Variants in FBXO28 observed in about 807,000 individuals in gnomAD.
FBXO28 encodes F-box protein 28.
FBXO28 carries 8 observed loss-of-function variants against 38.1 expected under a neutral mutation model. That is an observed-to-expected ratio of 0.21 (90% CI 0.12 to 0.38). The LOEUF is 0.38. Ranked by LOEUF, FBXO28 falls within the 10% of genes least tolerant of loss-of-function variation. FBXO28 has a pLI of 1.00. For synonymous variants in FBXO28, 168 were observed against 173.8 expected (o/e 0.97, Z 0.26); for missense variants, 345 against 460.6 (o/e 0.75, Z 2.30).
In FBXO28 at chr1:224,158,295, GA is replaced by G; in HGVS notation, c.*551del. Reference sequence around the variant, plus strand: ...ATGGACTTCCATAGTATTGACTGTAGAAGGAGCCTCTACAATATTGACTATA... The same window carrying G: ...ATGGACTTCCATAGTATTGACTGTAGAGGAGCCTCTACAATATTGACTATA... On this transcript the variant is annotated 3_prime_UTR_variant, in exon 5 of 5. Coordinates refer to ENST00000366862, the MANE Select transcript of FBXO28 (RefSeq NM_015176.4). 4 of 844,184 alleles carry G rather than the reference GA, an allele frequency of 4.7e-6. No individual in the cohort carries two copies. Among genetic ancestry groups the G allele is most frequent in the Non-Finnish European group, 5.7e-6 (4 of 701,140 alleles). 52.3% of individuals were successfully genotyped at this position (844,184 alleles called of 1,614,324 possible).
intron 3 of FBXO28, among the ~76,000 whole-genome samples, chr1:224,151,304 C>T (rs533329438): frequency 1.3e-5 from 2 of 152,230 alleles, no homozygotes; most frequent in Non-Finnish European, 2.9e-5. Flanking sequence ...CTACGTACAC[C>T]ACCTCAGCCC....
chr1:224,114,542 T>G, intron 1 of FBXO28, 146 bp downstream of exon 1: 1 of 636,080 alleles, frequency 1.6e-6, no homozygotes, highest in Non-Finnish European at 2.6e-6. Context: ...TCCCGAACTC[T>G]CCCTTGGCGT....
chr1:224,152,780 T>G (rs920162209), intron 3 of FBXO28, among the ~76,000 whole-genome samples: 2 of 151,850 alleles, frequency 1.3e-5, no homozygotes, highest in African/African-American at 4.8e-5. Flanking sequence ...ATACAAAAAA[T>G]TAGCCACGCG....
intron 3 of FBXO28, among the ~76,000 whole-genome samples, chr1:224,149,627 A>G (rs1382805164): frequency 5.1e-5 from 1 of 19,742 alleles, no homozygotes; most frequent in Non-Finnish European, 2.7e-3. Flanking sequence ...GCCATGTGCC[A>G]GATGCTGCTA....
chr1:224,114,593 T>C (rs1166060914), intron 1 of FBXO28, among the ~76,000 whole-genome samples, 197 bp downstream of exon 1: 3 of 152,270 alleles, frequency 2.0e-5, no homozygotes, highest in Admixed American at 6.5e-5. Context: ...GCGTCCTAGC[T>C]GCGGAGCTGG....
chr1:224,158,307 A>ACAGT lies in FBXO28; in HGVS notation c.*563_*564insGTCA. On this transcript the variant is annotated 3_prime_UTR_variant, in exon 5 of 5. Transcript: ENST00000366862. ...AGTATTGACTGTAGAAGGAGCCTCT[A>ACAGT]CAATATTGACTATATATTTTTATAA... 1.3e-6 allele frequency: 1 copy of ACAGT among 744,620 alleles called. No individual in the cohort carries two copies. The highest frequency in any genetic ancestry group is 1.6e-6 in the Non-Finnish European group (1 of 610,048). The allele number at this position is 744,620 out of a possible 1,614,324, so 46.1% of individuals were successfully genotyped here.
In FBXO28 at chr1:224,157,851, C is replaced by T. The variant is rs1204760912; in HGVS notation, c.*105C>T. On this transcript the variant is annotated 3_prime_UTR_variant, in exon 5 of 5. Coordinates refer to ENST00000366862, the MANE Select transcript of FBXO28 (RefSeq NM_015176.4). ...ACATGGTGTCCCTTAAGCTTCTAGG[C>T]TTTCAGAACACAACTTAAACTTGAA... is the stretch of plus-strand genomic sequence containing the variant. 1 of 1,459,518 alleles carries T rather than the reference C, an allele frequency of 6.9e-7. No individual in the cohort carries two copies. Among genetic ancestry groups the T allele is most frequent in the East Asian group, 2.4e-5 (1 of 41,202 alleles). 90.4% of individuals were successfully genotyped at this position (1,459,518 alleles called of 1,614,324 possible). A position where few individuals can be genotyped will look rare whatever the true frequency, so the allele number is the denominator to read the frequency against.
Position 224,114,327 on chromosome 1 carries a change from G to T in FBXO28, c.198G>T (p.Ala66=). The change falls in exon 1 of 5, where the codon GCG becomes GCT. Residue 66 remains alanine (A), a synonymous_variant. Coordinates refer to ENST00000366862, the MANE Select transcript of FBXO28 (RefSeq NM_015176.4). ...TGCCTCAAAACAACACGCTTGTGGC[G>T]CTGCCCATCGTAGCCATCGAGAACA... ...DQLPQNNTLV[A]LPIVAIENIL... The T allele has an allele frequency of 1.3e-6, 2 of 1,586,900 alleles. No homozygotes were observed. Among genetic ancestry groups the T allele is most frequent in the Non-Finnish European group, 1.7e-6 (2 of 1,166,470 alleles).
chr1:224,144,749 A>G (rs1216190684), intron 3 of FBXO28, among the ~76,000 whole-genome samples: 1 of 151,738 alleles, frequency 6.6e-6, no homozygotes, highest in Non-Finnish European at 1.5e-5. Flanking sequence ...ACAGAGCAAG[A>G]CTCCATCTCA....
chr1:224,130,836 C>T (rs1158043981), intron 2 of FBXO28: 1 of 366,758 alleles, frequency 2.7e-6, no homozygotes, highest in East Asian at 5.3e-5. Context: ...AGAAATAGAA[C>T]TCTCTGTTCA....
rs566251307 is a variant in FBXO28, at chr1:224,159,314, G to T, written c.*1568G>T. 1 of 152,022 alleles carries T rather than the reference G, an allele frequency of 6.6e-6. No homozygotes were observed. The highest frequency in any genetic ancestry group is 1.5e-5 in the Non-Finnish European group (1 of 67,946). 9.4% of individuals were successfully genotyped at this position (152,022 alleles called of 1,614,324 possible). A position where few individuals can be genotyped will look rare whatever the true frequency, so the allele number is the denominator to read the frequency against. On this transcript the variant is annotated 3_prime_UTR_variant, in exon 5 of 5. Coordinates refer to ENST00000366862, the MANE Select transcript of FBXO28 (RefSeq NM_015176.4). ...TTATCACCTTTTTTATCCGTCCACC[G>T]TGACATGGTTATGCATCCTTTAGAT...
rs368433850 is a variant in FBXO28 at position 224,124,872 on chromosome 1, C to T, written c.268-5600C>T. Among the ~76,000 whole-genome samples the T allele has an allele frequency of 5.9e-5, 9 of 152,114 alleles. No individual in the cohort carries two copies. In the East Asian group the frequency reaches 9.7e-4, roughly 16 times the overall value. On this transcript the variant is annotated intron_variant, in intron 1 of 4. Transcript: ENST00000366862. ...CCTCCCAAGTAGCTGGGATTACAGGCGCCGGCTACCATGCCTGGCAAATTT... is the reference window on the plus strand; with the variant it reads ...CCTCCCAAGTAGCTGGGATTACAGGTGCCGGCTACCATGCCTGGCAAATTT...
chr1:224,151,814 G>A (rs1265045679), intron 3 of FBXO28, among the ~76,000 whole-genome samples: 1 of 152,116 alleles, frequency 6.6e-6, no homozygotes, highest in Non-Finnish European at 1.5e-5. Context: ...AGGCCAAGGA[G>A]GGTGGATCAC....
At chr1:224,115,545 C>G (rs897213336) in intron 1 of FBXO28, among the ~76,000 whole-genome samples, 70 of 152,090 alleles carry the variant, frequency 4.6e-4, no homozygotes, top group Non-Finnish European at 4.3e-4. Flanking sequence ...AATATTAATT[C>G]AAACTGATGG....
intron 1 of FBXO28, among the ~76,000 whole-genome samples, chr1:224,117,165 A>ATTTTTTT (rs71168310): frequency 2.0e-4 from 25 of 122,184 alleles, no homozygotes; most frequent in African/African-American, 7.8e-4. Flanking sequence ...AATAAATTGG[A>ATTTTTTT]TTTTTTTTTT....
intron 3 of FBXO28, among the ~76,000 whole-genome samples, chr1:224,145,892 A>G (rs915102452): frequency 9.2e-5 from 14 of 152,094 alleles, no homozygotes; most frequent in African/African-American, 3.4e-4. Flanking sequence ...ACATGGAGAA[A>G]CCCATCGCTA....
In FBXO28 at chr1:224,157,695, G is replaced by A. The variant is rs143381946; in HGVS notation, c.1056G>A (p.Thr352=). The change falls in exon 5 of 5, where the codon ACG becomes ACA. Residue 352 remains threonine, a synonymous_variant. Coordinates refer to ENST00000366862, the MANE Select transcript of FBXO28 (RefSeq NM_015176.4). ...EESPRKRKKA[T]EAIDSLRKSK... ...CTCCTCGGAAACGAAAAAAGGCCACGGAAGCCATAGACTCTCTTAGGAAAT... is the reference window on the plus strand; with the variant it reads ...CTCCTCGGAAACGAAAAAAGGCCACAGAAGCCATAGACTCTCTTAGGAAAT... The A allele has an allele frequency of 2.8e-5, 45 of 1,613,750 alleles. No individual in the cohort carries two copies. Among genetic ancestry groups the A allele is most frequent in the East Asian group, 1.8e-4 (8 of 44,886 alleles).
intron 1 of FBXO28, among the ~76,000 whole-genome samples, chr1:224,119,267 G>A (rs973531755): frequency 1.1e-4 from 17 of 150,062 alleles, no homozygotes; most frequent in African/African-American, 2.2e-4. Context: ...CCAAGTAGCT[G>A]GGACTACAGG....
intron 3 of FBXO28, among the ~76,000 whole-genome samples, chr1:224,152,925 CAAAAAAAAAAAAAA>C (rs57616453): frequency 1.2e-4 from 8 of 64,908 alleles, no homozygotes; most frequent in Admixed American, 2.2e-4. Context: ...AACTCTGTCT[CAAAAAAAAAAAAAA>C]AAAAAAAAAA....
Sources: gnomAD v4.1 joint callset for allele counts (sites outside exome capture counted in the v4.1 genomes callset) on GRCh38, gnomAD v4.1.1 for gene constraint, MANE v1.5 for transcripts, NCBI Gene and HGNC (gene_info 2026-07-23, HGNC 2026-07-21) for gene names.